Variants in C1orf94 observed in about 807,000 individuals in gnomAD.
C1orf94 encodes the protein chromosome 1 open reading frame 94.
Under a neutral mutation model 53.6 loss-of-function variants are expected in C1orf94, and 45 were observed. That is an observed-to-expected ratio of 0.84 (90% CI 0.66 to 1.08). The LOEUF (loss-of-function observed/expected upper bound fraction) is 1.08, where lower values mean the gene tolerates loss of function less well. Ranked by LOEUF, C1orf94 falls within the 50% of genes least tolerant of loss-of-function variation. C1orf94 has a pLI of 0.00. For missense variants in C1orf94, 762 were observed against 738.9 expected (o/e 1.03, Z -0.36); for synonymous variants, 304 against 296.1 (o/e 1.03, Z -0.27).
At chr1:34,175,450 C>G (rs1642210818), upstream of C1orf94, among the ~76,000 whole-genome samples, 1 of 152,154 alleles carries the variant, frequency 6.6e-6, no homozygotes, top group Non-Finnish European at 1.5e-5. Context: ...TTTAAATACA[C>G]TATTTTAAAA....
At chr1:34,185,294 C>G (rs1642368759) in intron 1 of C1orf94, among the ~76,000 whole-genome samples, 1 of 152,186 alleles carries the variant, frequency 6.6e-6, no homozygotes, top group Non-Finnish European at 1.5e-5. Flanking sequence ...ATTCTCCTGC[C>G]TCAGCCTCCC....
Position 34,177,238 on chromosome 1 carries a change from G to T in C1orf94, c.-552G>T, listed in dbSNP as rs913643374. Among the ~76,000 whole-genome samples the T allele has an allele frequency of 6.6e-6, 1 of 151,780 alleles. No individual in the cohort carries two copies. The highest frequency in any genetic ancestry group is 1.5e-5 in the Non-Finnish European group (1 of 67,844). ...GAGAAAAGCAGGACCTGGGCCGGGG[G>T]TGGGAGTCGGGCCGTTGACGCTCGC... On this transcript the variant is annotated 5_prime_UTR_variant, in exon 1 of 7. Coordinates refer to ENST00000488417, the MANE Select transcript of C1orf94 (RefSeq NM_001134734.2).
intron 6 of C1orf94, among the ~76,000 whole-genome samples, chr1:34,212,689 G>A (rs1372162755): frequency 6.6e-6 from 1 of 152,308 alleles, no homozygotes; most frequent in Middle Eastern, 3.4e-3. Flanking sequence ...CTACTCCATA[G>A]GCAGGGGCAG....
At position 34,202,221 on chromosome 1, in the gene C1orf94, C is replaced by A. The variant is rs763528554; in HGVS notation, c.1408C>A (p.Pro470Thr). The A allele has an allele frequency of 6.2e-7, 1 of 1,614,270 alleles. No individual in the cohort carries two copies. Among genetic ancestry groups the A allele is most frequent in the South Asian group, 1.1e-5 (1 of 91,088 alleles). ...GCTCAACCTGAACTATCCACCTCCACCAGTGTTCACGAATCACTCTACCTT... is the reference window on the plus strand; with the variant it reads ...GCTCAACCTGAACTATCCACCTCCAACAGTGTTCACGAATCACTCTACCTT... ...LWLNLNYPPP[P>T]VFTNHSTFLQ... The change falls in exon 4 of 7, where the codon CCA becomes ACA. Residue 470 changes from proline (P) to threonine (T), a missense_variant. Physicochemically the swap from Pro to Thr is conservative, Grantham distance 38. Coordinates refer to ENST00000488417, the MANE Select transcript of C1orf94 (RefSeq NM_001134734.2).
At chr1:34,206,545 T>A (rs1557488171) in intron 4 of C1orf94, among the ~76,000 whole-genome samples, 1 of 152,196 alleles carries the variant, frequency 6.6e-6, no homozygotes, top group Non-Finnish European at 1.5e-5. Context: ...TCCATGCATG[T>A]TTGATGCACA....
rs201449051 is a variant in C1orf94 at position 34,171,456 on chromosome 1, CAGAT to C, written c.-251+4286_-251+4289del. Among the ~76,000 whole-genome samples the C allele has an allele frequency of 2.9e-3, 378 of 132,114 alleles. 5 individuals carry two copies. The East Asian group carries it at 0.029, about 10-fold the overall frequency. 86.7% of individuals were successfully genotyped at this position (132,114 alleles called of 152,430 possible). A position where few individuals can be genotyped will look rare whatever the true frequency, so the allele number is the denominator to read the frequency against. ...AATTTTTGCTGGATGAATGGATAAACAGATGGATGGATGGATGGATGAATGGATG... is the reference window on the plus strand; with the variant it reads ...AATTTTTGCTGGATGAATGGATAAACGGATGGATGGATGGATGAATGGATG... On this transcript the variant is annotated intron_variant, in intron 1 of 6. Transcript: ENST00000373374.
At chr1:34,214,046 G>T (rs999925974) in intron 6 of C1orf94, among the ~76,000 whole-genome samples, 1 of 152,174 alleles carries the variant, frequency 6.6e-6, no homozygotes, top group Admixed American at 6.5e-5. Context: ...TAGATGAATA[G>T]GACATGCTTC....
chr1:34,203,784 C>G (rs890440555), intron 4 of C1orf94, among the ~76,000 whole-genome samples: 3 of 152,138 alleles, frequency 2.0e-5, no homozygotes, highest in Non-Finnish European at 4.4e-5. Context: ...TTTATTTTGT[C>G]GATTTAACTT....
At chr1:34,167,174 G>A (rs1642047398) in intron 1 of C1orf94, 1 of 152,520 alleles carries the variant, frequency 6.6e-6, no homozygotes, top group Non-Finnish European at 1.5e-5. Context: ...CGCCAGCAGT[G>A]AGTGGTGGTG....
chr1:34,216,211 G>A (rs149247381), intron 6 of C1orf94, among the ~76,000 whole-genome samples: 6 of 152,234 alleles, frequency 3.9e-5, no homozygotes, highest in African/African-American at 1.2e-4. Flanking sequence ...CTGGTAATAC[G>A]TTTGGGAGCC....
chr1:34,209,951 G>T (rs1571350094), intron 5 of C1orf94, among the ~76,000 whole-genome samples: 1 of 152,112 alleles, frequency 6.6e-6, no homozygotes, highest in African/African-American at 2.4e-5. Context: ...ACTGTTTAAT[G>T]GTTTTTTACA....
chr1:34,218,023 C>T (rs1034093892), intron 6 of C1orf94, among the ~76,000 whole-genome samples: 2 of 152,126 alleles, frequency 1.3e-5, no homozygotes, highest in Non-Finnish European at 2.9e-5. Flanking sequence ...CTTTTGAACT[C>T]TATTTTGAAG....
At chr1:34,195,570 C>G (rs370024641) in intron 1 of C1orf94, among the ~76,000 whole-genome samples, 1 of 152,062 alleles carries the variant, frequency 6.6e-6, no homozygotes, top group Non-Finnish European at 1.5e-5. Flanking sequence ...CATAGCTCTT[C>G]CCCAGGGTCC....
intron 1 of C1orf94, among the ~76,000 whole-genome samples, chr1:34,181,014 C>T (rs1327701727): frequency 6.6e-6 from 1 of 152,140 alleles, no homozygotes; most frequent in Non-Finnish European, 1.5e-5. Context: ...GGGGAGCTTA[C>T]CACTTCCCTT....
intron 1 of C1orf94, among the ~76,000 whole-genome samples, chr1:34,191,071 T>A (rs537677563): frequency 1.7e-4 from 26 of 152,288 alleles, no homozygotes; most frequent in Admixed American, 1.6e-3. Context: ...CTTGTTCACA[T>A]GGAGGTTGCA....
intron 1 of C1orf94, among the ~76,000 whole-genome samples, chr1:34,180,815 T>C (rs1017480783): frequency 2.0e-5 from 3 of 152,244 alleles, no homozygotes; most frequent in African/African-American, 7.2e-5. Context: ...TTGTGGTAGA[T>C]AGGTAAGTGC....
At chr1:34,205,128 T>A (rs1443494662) in intron 4 of C1orf94, among the ~76,000 whole-genome samples, 2 of 152,220 alleles carry the variant, frequency 1.3e-5, no homozygotes, top group Non-Finnish European at 2.9e-5. Context: ...TTTGGACATA[T>A]CATTTTCTGA....
intron 6 of C1orf94, among the ~76,000 whole-genome samples, chr1:34,216,441 A>G (rs560159591): frequency 2.0e-5 from 3 of 152,284 alleles, no homozygotes; most frequent in Non-Finnish European, 4.4e-5. Context: ...CAGGAAGCCA[A>G]GTGAAGAAAG....
intron 1 of C1orf94, among the ~76,000 whole-genome samples, chr1:34,183,291 T>A (rs1346542924): frequency 6.6e-6 from 1 of 152,276 alleles, no homozygotes; most frequent in East Asian, 1.9e-4. Flanking sequence ...ATTCAAGGAT[T>A]ACTTATTCAT....
Sources: gnomAD v4.1 joint callset for allele counts (sites outside exome capture counted in the v4.1 genomes callset) on GRCh38, gnomAD v4.1.1 for gene constraint, MANE v1.5 for transcripts, NCBI Gene and HGNC (gene_info 2026-07-23, HGNC 2026-07-21) for gene names.